The following PVT1 variants were observed in gnomAD, a reference collection of about 807,000 sequenced individuals.
PVT1 encodes CXCR4/PVT1 fusion.
chr8:127,795,313 A>G lies in PVT1; in HGVS notation n.194+579A>G, dbSNP rs886174531. 3.9e-5 allele frequency among the ~76,000 whole-genome samples: 6 copies of G among 152,190 alleles called. No individual in the cohort carries two copies. In the East Asian group the frequency reaches 1.2e-3, roughly 29 times the overall value. On this transcript the variant is annotated intron_variant and non_coding_transcript_variant, in intron 1 of 10. Transcript: ENST00000651587. ...TAATTAGGTTTGCCTTCTCTTGCTA[A>G]CGTGCTCTTATTTATGCCAGTGTTT... is the stretch of plus-strand genomic sequence containing the variant.
chr8:127,796,629 C>G (rs956229491), intron 2 of PVT1, among the ~76,000 whole-genome samples: 3 of 152,162 alleles, frequency 2.0e-5, no homozygotes, highest in Non-Finnish European at 2.9e-5. Context: ...ACACCCTGTT[C>G]TTTCCTCCTG....
At chr8:127,877,257 C>A (rs74878500) in intron 2 of PVT1, among the ~76,000 whole-genome samples, 1,737 of 152,324 alleles carry the variant, frequency 0.011, 38 homozygotes, top group African/African-American at 0.039. Context: ...GGTTCAAGGC[C>A]ACCCTCTTCA....
At chr8:128,028,674 G>T (rs533948457) in intron 4 of PVT1, among the ~76,000 whole-genome samples, 2 of 152,294 alleles carry the variant, frequency 1.3e-5, no homozygotes, top group Admixed American at 6.5e-5. Flanking sequence ...CACAGTGAAG[G>T]GTGATGAATA....
At chr8:127,979,835 A>T (rs1816863340) in intron 3 of PVT1, among the ~76,000 whole-genome samples, 1 of 147,286 alleles carries the variant, frequency 6.8e-6, no homozygotes, top group South Asian at 2.2e-4. Context: ...TAACTGCTTT[A>T]GAAGAAGCCT....
rs546028216 is a variant in PVT1, at chr8:127,844,045, C to T, written n.373-46544C>T. ...TCACCCAGGCTGTAGTGCAGTGGCG[C>T]AATCTCGGCTCACTGCAAGCTCTGC... On this transcript the variant is annotated intron_variant and non_coding_transcript_variant, in intron 2 of 10. Coordinates refer to ENST00000651587, the Ensembl canonical transcript of PVT1. Among the ~76,000 whole-genome samples, 7 of 151,866 alleles carry T rather than the reference C, an allele frequency of 4.6e-5. No individual in the cohort carries two copies. The East Asian group carries it at 1.4e-3, about 30-fold the overall frequency.
intron 3 of PVT1, among the ~76,000 whole-genome samples, chr8:127,906,379 T>A (rs1158992493): frequency 6.6e-6 from 1 of 152,160 alleles, no homozygotes; most frequent in Admixed American, 6.6e-5. Context: ...TCCAAATGGC[T>A]TTGAGCCTTC....
intron 3 of PVT1, among the ~76,000 whole-genome samples, chr8:127,952,759 G>A (rs1477083872): frequency 3.6e-5 from 5 of 139,958 alleles, no homozygotes; most frequent in African/African-American, 1.1e-4. Flanking sequence ...CTGCACCTAG[G>A]TTGTGCCTGC....
Position 127,977,770 on chromosome 8 carries a change from C to G in PVT1, n.783-11392C>G, listed in dbSNP as rs1816837782. On this transcript the variant is annotated intron_variant and non_coding_transcript_variant, in intron 3 of 10. Transcript: ENST00000651587. ...TACCTTGTATCAGTTCTGACACTTG[C>G]ATTACTAGCTGTCACCCAACACCTT... is the stretch of plus-strand genomic sequence containing the variant. Among the ~76,000 whole-genome samples, 2 of 152,158 alleles carry G rather than the reference C, an allele frequency of 1.3e-5. 1 individual carries two copies. Among genetic ancestry groups the G allele is most frequent in the South Asian group, 4.1e-4 (2 of 4,828 alleles).
intron 2 of PVT1, among the ~76,000 whole-genome samples, chr8:127,809,793 T>C (rs1009311856): frequency 1.3e-5 from 2 of 152,240 alleles, no homozygotes; most frequent in Admixed American, 1.3e-4. Flanking sequence ...TCCATAGTTT[T>C]AGTCCCACTT....
At chr8:128,083,847 GC>G (rs1814221733) in intron 5 of PVT1, among the ~76,000 whole-genome samples, 1 of 152,182 alleles carries the variant, frequency 6.6e-6, no homozygotes, top group South Asian at 2.1e-4. Context: ...CATCCAAGTT[GC>G]CACCTCTGTC....
intron 2 of PVT1, among the ~76,000 whole-genome samples, chr8:127,876,933 G>A (rs1007961300): frequency 6.6e-6 from 1 of 152,238 alleles, no homozygotes; most frequent in African/African-American, 2.4e-5. Flanking sequence ...CTTGAGTAGA[G>A]ACCTGCTTCT....
intron 2 of PVT1, among the ~76,000 whole-genome samples, chr8:127,799,792 T>G (rs1814441060): frequency 6.6e-6 from 1 of 152,214 alleles, no homozygotes; most frequent in African/African-American, 2.4e-5. Context: ...ATTATTGAGC[T>G]TTATTACTTC....
intron 3 of PVT1, among the ~76,000 whole-genome samples, chr8:127,914,097 A>G (rs1173153749): frequency 6.6e-6 from 1 of 152,054 alleles, no homozygotes; most frequent in Non-Finnish European, 1.5e-5. Flanking sequence ...AATGGGCAGA[A>G]GACTTGAACA....
In PVT1 at chr8:127,840,000, C is replaced by CATCT. The variant is rs772308478; in HGVS notation, n.372+43930_372+43933dup. Among the ~76,000 whole-genome samples, 8 of 152,280 alleles carry CATCT rather than the reference C, an allele frequency of 5.3e-5. No individual in the cohort carries two copies. In the East Asian group the frequency reaches 1.2e-3, roughly 22 times the overall value. On this transcript the variant is annotated intron_variant and non_coding_transcript_variant, in intron 2 of 10. Transcript: ENST00000651587. ...GGGAGCTGTTCTTGGAGCCCACAGG[C>CATCT]ATCTGCTTCTTGGCACAGAGCAGAC...
chr8:127,834,468 T>A (rs898841905), intron 2 of PVT1, among the ~76,000 whole-genome samples: 7 of 152,058 alleles, frequency 4.6e-5, no homozygotes, highest in Non-Finnish European at 5.9e-5. Context: ...ATAAAAACCC[T>A]AGATGAAAAC....
At chr8:127,805,107 T>G (rs779769469) in intron 2 of PVT1, among the ~76,000 whole-genome samples, 2 of 151,750 alleles carry the variant, frequency 1.3e-5, no homozygotes, top group African/African-American at 2.4e-5. Flanking sequence ...ATTTTGTGTT[T>G]TTAGTAGAGA....
rs565332382 is a variant in PVT1 at position 127,951,585 on chromosome 8, A to G, written n.783-37577A>G. On this transcript the variant is annotated intron_variant and non_coding_transcript_variant, in intron 3 of 10. Transcript: ENST00000651587. ...AAGGCGTGTAACAAAGGAGTACAAT[A>G]TCAACAGCAAGCCTCCCCCGGTCAT... Among the ~76,000 whole-genome samples, 3 of 152,312 alleles carry G rather than the reference A, an allele frequency of 2.0e-5. No individual in the cohort carries two copies. The South Asian group carries it at 6.2e-4, about 32-fold the overall frequency.
At chr8:127,857,077 T>A (rs1320076733) in intron 2 of PVT1, among the ~76,000 whole-genome samples, 1 of 151,942 alleles carries the variant, frequency 6.6e-6, no homozygotes, top group African/African-American at 2.4e-5. Context: ...AATGCAAAAA[T>A]TAGCTGAGCG....
At chr8:128,046,887 T>G (rs1443783661) in intron 4 of PVT1, among the ~76,000 whole-genome samples, 3 of 152,216 alleles carry the variant, frequency 2.0e-5, no homozygotes, top group Admixed American at 1.3e-4. Flanking sequence ...TACAGCCCTT[T>G]CTTTGGTTTT....
Sources: gnomAD v4.1 joint callset for allele counts (sites outside exome capture counted in the v4.1 genomes callset) on GRCh38, gnomAD v4.1.1 for gene constraint, MANE v1.5 for transcripts, NCBI Gene and HGNC (gene_info 2026-07-23, HGNC 2026-07-21) for gene names.